PNPLA1: variants seen among roughly 807,000 people sequenced by gnomAD.
The protein encoded by PNPLA1 is patatin like domain 1, omega-hydroxyceramide transacylase.
Under a neutral mutation model 51.7 loss-of-function variants are expected in PNPLA1, and 36 were observed. The ratio of observed to expected loss-of-function variants is 0.70; its 90% confidence interval spans 0.53 to 0.92. The LOEUF is 0.92. Among genes scored for constraint, PNPLA1 ranks in the 40% least tolerant of loss-of-function variants. The probability of loss-of-function intolerance (pLI) is 0.00; values close to 1 mark genes in which losing one functional copy is unlikely to be tolerated. For synonymous variants in PNPLA1, 293 were observed against 280.1 expected (o/e 1.05, Z -0.46); for missense variants, 658 against 682.5 (o/e 0.96, Z 0.40).
intron 1 of PNPLA1, among the ~76,000 whole-genome samples, chr6:36,277,922 G>T (rs527646510): frequency 1.2e-4 from 19 of 152,322 alleles, no homozygotes; most frequent in African/African-American, 4.6e-4. Context: ...AAAGGGCTCA[G>T]CTCTGGCCCA....
chr6:36,271,115 T>C (rs1363481564), intron 1 of PNPLA1, among the ~76,000 whole-genome samples: 3 of 152,184 alleles, frequency 2.0e-5, no homozygotes, highest in Non-Finnish European at 4.4e-5. Context: ...GGGGACGTAT[T>C]GTCCACCATT....
At chr6:36,293,032 A>T (rs778972420) in intron 2 of PNPLA1, 29 bp from the exon 3 acceptor site, 10 of 1,588,570 alleles carry the variant, frequency 6.3e-6, no homozygotes, top group Middle Eastern at 1.8e-4. Context: ...CCGGGCCTCC[A>T]GCATCTCAGC....
At chr6:36,291,579 G>GGA in intron 2 of PNPLA1, 27 bp downstream of exon 2, 18 of 103,642 alleles carry the variant, frequency 1.7e-4, no homozygotes, top group South Asian at 4.3e-4. Context: ...GGGAGGGAGG[G>GGA]ACACGGAGGG....
At chr6:36,285,442 A>C (rs1452139351) in intron 1 of PNPLA1, among the ~76,000 whole-genome samples, 1 of 152,204 alleles carries the variant, frequency 6.6e-6, no homozygotes, top group African/African-American at 2.4e-5. Context: ...GTACCCTGTG[A>C]ACGGCATCCT....
chr6:36,270,826 C>T (rs919628785), intron 1 of PNPLA1, among the ~76,000 whole-genome samples, 162 bp downstream of exon 1: 3 of 152,080 alleles, frequency 2.0e-5, no homozygotes, highest in Non-Finnish European at 2.9e-5. Context: ...GCAGCTGTGA[C>T]GTTTGAAGGT....
At chr6:36,296,989 A>T (rs1234324233) in intron 5 of PNPLA1, among the ~76,000 whole-genome samples, 1 of 152,230 alleles carries the variant, frequency 6.6e-6, no homozygotes, top group East Asian at 1.9e-4. Flanking sequence ...CAAAGCCACA[A>T]GCCCTTATCA....
intron 1 of PNPLA1, among the ~76,000 whole-genome samples, chr6:36,258,663 G>A (rs1769582160): frequency 6.6e-6 from 1 of 152,196 alleles, no homozygotes; most frequent in African/African-American, 2.4e-5. Flanking sequence ...TTATGGACCA[G>A]AATTGTTTTC....
intron 1 of PNPLA1, among the ~76,000 whole-genome samples, chr6:36,284,975 T>C (rs1770438067): frequency 6.6e-6 from 1 of 152,122 alleles, no homozygotes; most frequent in East Asian, 1.9e-4. Context: ...GGCATAGAAA[T>C]AAAATGGTAA....
chr6:36,305,147 T>TA (rs1041406407), intron 6 of PNPLA1, among the ~76,000 whole-genome samples: 1 of 152,224 alleles, frequency 6.6e-6, no homozygotes, highest in African/African-American at 2.4e-5. Context: ...CACCAGTCTA[T>TA]AAAAAATTCA....
At chr6:36,304,981 C>T (rs894361483) in intron 6 of PNPLA1, among the ~76,000 whole-genome samples, 7 of 152,190 alleles carry the variant, frequency 4.6e-5, no homozygotes, top group African/African-American at 7.2e-5. Context: ...GCTTTCTGAC[C>T]GTTAGTGTCA....
chr6:36,300,178 T>TGTGTGTGTGAGA, intron 5 of PNPLA1, among the ~76,000 whole-genome samples: 31 of 98,138 alleles, frequency 3.2e-4, no homozygotes, highest in African/African-American at 8.0e-4. Flanking sequence ...TGTGTGTGTG[T>TGTGTGTGTGAGA]GAGAGAGAGA....
Position 36,313,032 on chromosome 6 carries a change from T to C in PNPLA1, c.*1146T>C, listed in dbSNP as rs986136810. On this transcript the variant is annotated 3_prime_UTR_variant, in exon 9 of 9. Transcript: ENST00000636260. ...CTTACAGTGTACTAACGGCTTGGCC[T>C]GAGCTGGTCACTGGAATCGCTGGCT... Among the ~76,000 whole-genome samples, 1 of 152,184 alleles carries C rather than the reference T, an allele frequency of 6.6e-6. No individual in the cohort carries two copies. The highest frequency in any genetic ancestry group is 2.4e-5 in the African/African-American group (1 of 41,438).
intron 1 of PNPLA1, among the ~76,000 whole-genome samples, chr6:36,257,784 G>T (rs767815578): frequency 6.6e-6 from 1 of 152,066 alleles, no homozygotes; most frequent in African/African-American, 2.4e-5. Context: ...TCTTTTGTAT[G>T]GGTCACATTT....
chr6:36,268,016 T>C (rs1769803443), upstream of PNPLA1, among the ~76,000 whole-genome samples: 1 of 152,078 alleles, frequency 6.6e-6, no homozygotes, highest in African/African-American at 2.4e-5. Context: ...TTCATTAACT[T>C]GTCTTCCTGC....
At chr6:36,253,496 A>T (rs1769466805) in intron 1 of PNPLA1, among the ~76,000 whole-genome samples, 1 of 152,082 alleles carries the variant, frequency 6.6e-6, no homozygotes, top group Non-Finnish European at 1.5e-5. Context: ...ATTTTTTTTT[A>T]AAGACAGAGT....
At chr6:36,311,133 G>A (rs1351713376) in intron 8 of PNPLA1, among the ~76,000 whole-genome samples, 1 of 152,228 alleles carries the variant, frequency 6.6e-6, no homozygotes, top group Non-Finnish European at 1.5e-5. Flanking sequence ...CTGGGGCCCA[G>A]CGGTGTGTAT....
intron 1 of PNPLA1, among the ~76,000 whole-genome samples, chr6:36,260,553 C>T (rs1759517404): frequency 6.6e-6 from 1 of 152,192 alleles, no homozygotes; most frequent in African/African-American, 2.4e-5. Context: ...TACTTTCCAT[C>T]TCTTGGTCCC....
At chr6:36,287,912 G>A (rs1170499655) in intron 1 of PNPLA1, among the ~76,000 whole-genome samples, 5 of 152,174 alleles carry the variant, frequency 3.3e-5, no homozygotes, top group East Asian at 1.9e-4. Context: ...CTTCCTCCCA[G>A]GCTACATGAC....
rs1261542136 is a variant in PNPLA1, at chr6:36,307,620, T to C, written c.1503T>C (p.Asn501=). The stretch of plus-strand genomic sequence containing the variant: ...CTGCTGAAGACTCAAACTGGGTGAA[T>C]AAGGTCTTCAAGAAGAACAAGCAAA... The part of the protein sequence containing the change: ...ESPAEDSNWV[N]KVFKKNKQKT... Residue 501 remains asparagine (N), a synonymous_variant, in exon 8 of 9, where the codon AAT becomes AAC. Transcript: ENST00000636260. 3 of 1,613,484 alleles carry C rather than the reference T, an allele frequency of 1.9e-6. No homozygotes were observed.
Sources: gnomAD v4.1 joint callset for allele counts (sites outside exome capture counted in the v4.1 genomes callset) on GRCh38, gnomAD v4.1.1 for gene constraint, MANE v1.5 for transcripts, NCBI Gene and HGNC (gene_info 2026-07-23, HGNC 2026-07-21) for gene names.